DAB1: variants seen among roughly 807,000 people sequenced by gnomAD.
DAB1 encodes the protein DAB adaptor protein 1.
DAB1 carries 15 observed loss-of-function variants against 64.6 expected under a neutral mutation model. That is an observed-to-expected ratio of 0.23 (90% CI 0.16 to 0.36). The LOEUF (loss-of-function observed/expected upper bound fraction) is 0.36, where lower values mean the gene tolerates loss of function less well. Ranked by LOEUF, DAB1 falls within the 10% of genes least tolerant of loss-of-function variation. The probability of loss-of-function intolerance (pLI) is 1.00; values close to 1 mark genes in which losing one functional copy is unlikely to be tolerated. For missense variants in DAB1, 596 were observed against 706.7 expected, an observed-to-expected ratio of 0.84 and a Z score of 1.78; for synonymous variants, 235 against 251.9, an observed-to-expected ratio of 0.93 and a Z score of 0.64.
chr1:58,486,702 T>C (rs1475110249), intron 3 of DAB1, among the ~76,000 whole-genome samples: 1 of 152,084 alleles, frequency 6.6e-6, no homozygotes, highest in Non-Finnish European at 1.5e-5. Context: ...GGACGGACAA[T>C]GAGTACATGG....
chr1:58,355,639 T>C (rs931931690), intron 3 of DAB1, among the ~76,000 whole-genome samples: 8 of 151,996 alleles, frequency 5.3e-5, no homozygotes, highest in African/African-American at 1.9e-4. Flanking sequence ...ATGAGAGACT[T>C]GTAGGTGAGA....
Position 58,163,215 on chromosome 1 carries a change from C to T in DAB1, n.310-12627G>A, listed in dbSNP as rs557028457. Among the ~76,000 whole-genome samples, 13 of 152,248 alleles carry T rather than the reference C, an allele frequency of 8.5e-5. No individual in the cohort carries two copies. The East Asian group carries it at 1.7e-3, about 20-fold the overall frequency. On this transcript the variant is annotated intron_variant and non_coding_transcript_variant, in intron 4 of 20. Coordinates refer to the DAB1 transcript ENST00000485760. Reference sequence around the variant, plus strand: ...GTGGACAAAGATAAAAATTTCATCACGAAGTTAAGAACAAAAGGATAGCGT... The same window carrying T: ...GTGGACAAAGATAAAAATTTCATCATGAAGTTAAGAACAAAAGGATAGCGT...
chr1:58,522,871 A>G (rs11807197), intron 2 of DAB1, among the ~76,000 whole-genome samples: 20,205 of 152,240 alleles, frequency 0.13, 1,477 homozygotes, highest in African/African-American at 0.19. Context: ...CTCCATCCTT[A>G]TCTTCACACT....
chr1:57,711,377 AACACCTTATTCTT>A (rs1460537749), intron 6 of DAB1, among the ~76,000 whole-genome samples: 1 of 152,166 alleles, frequency 6.6e-6, no homozygotes, highest in Non-Finnish European at 1.5e-5. Context: ...TGGATTTCAT[AACACCTTATTCTT>A]AAGGTGTGGG....
chr1:58,361,863 CTTTTTTTTTT>C (rs34029239), intron 3 of DAB1, among the ~76,000 whole-genome samples: 3 of 84,024 alleles, frequency 3.6e-5, no homozygotes, highest in African/African-American at 1.4e-4. Context: ...AAAGATCCCC[CTTTTTTTTTT>C]TTTTTTTTTT....
intron 2 of DAB1, among the ~76,000 whole-genome samples, chr1:57,200,237 A>G (rs1257303632): frequency 1.3e-5 from 2 of 152,190 alleles, no homozygotes; most frequent in South Asian, 2.1e-4. Context: ...GTCTGGTTGC[A>G]TCTATTAGTG....
intron 5 of DAB1, among the ~76,000 whole-genome samples, chr1:57,938,835 G>C (rs991326202): frequency 6.6e-6 from 1 of 151,900 alleles, no homozygotes; most frequent in Non-Finnish European, 1.5e-5. Flanking sequence ...AGTAACTAAA[G>C]GGCTGCCATC....
chr1:57,462,930 G>A (rs1686833533), intron 7 of DAB1, among the ~76,000 whole-genome samples: 4 of 152,062 alleles, frequency 2.6e-5, no homozygotes, highest in Admixed American at 2.6e-4. Flanking sequence ...GCTCTTTGAA[G>A]GAGGTAAAAC....
At chr1:57,823,992 G>T (rs1252352379), downstream of DAB1, among the ~76,000 whole-genome samples, 3 of 152,172 alleles carry the variant, frequency 2.0e-5, no homozygotes, top group Non-Finnish European at 4.4e-5. Context: ...TTTTGAGAAG[G>T]ATAGTAAGTG....
In DAB1 at chr1:58,037,769, G is replaced by A. The variant is rs574532663; in HGVS notation, n.387+112742C>T. ...GGGCTTTAGTTGGTACCACACCCTT[G>A]CTTACCTTCCTTCCTTTCCTCACCC... On this transcript the variant is annotated intron_variant and non_coding_transcript_variant, in intron 5 of 20. Transcript: ENST00000485760. Among the ~76,000 whole-genome samples the A allele has an allele frequency of 9.9e-5, 15 of 152,220 alleles. No homozygotes were observed. The East Asian group carries it at 2.9e-3, about 29-fold the overall frequency.
chr1:57,250,251 AT>A (rs1669223254), intron 2 of DAB1, among the ~76,000 whole-genome samples: 1 of 152,168 alleles, frequency 6.6e-6, no homozygotes, highest in Non-Finnish European at 1.5e-5. Context: ...GAAAACACAA[AT>A]GTTAATTCCT....
chr1:58,490,811 T>C (rs1019895112), intron 3 of DAB1, among the ~76,000 whole-genome samples: 1 of 130,318 alleles, frequency 7.7e-6, no homozygotes, highest in African/African-American at 2.9e-5. Context: ...TTTTTTTTTT[T>C]TTTTTTTTTT....
At chr1:58,319,297 T>C (rs1049658850) in intron 4 of DAB1, among the ~76,000 whole-genome samples, 2 of 152,224 alleles carry the variant, frequency 1.3e-5, no homozygotes, top group African/African-American at 4.8e-5. Context: ...GCTATTGATA[T>C]TTTAGTCTCA....
At chr1:57,551,276 T>C (rs1644911432) in intron 7 of DAB1, among the ~76,000 whole-genome samples, 1 of 152,176 alleles carries the variant, frequency 6.6e-6, no homozygotes, top group African/African-American at 2.4e-5. Context: ...AACATCCCAT[T>C]CTTATCCCAT....
In DAB1 at chr1:57,200,793, C is replaced by T. The variant is rs183735743; in HGVS notation, c.68-55364G>A. ...CAAGTTTATAGAGTTAAAAACAACTCATGTTAATAAAGTACTTTCCAATTT... is the reference window on the plus strand; with the variant it reads ...CAAGTTTATAGAGTTAAAAACAACTTATGTTAATAAAGTACTTTCCAATTT... On this transcript the variant is annotated intron_variant, in intron 2 of 14. Transcript: ENST00000371236. Among the ~76,000 whole-genome samples, 24 of 152,296 alleles carry T rather than the reference C, an allele frequency of 1.6e-4. No homozygotes were observed. The East Asian group carries it at 4.4e-3, about 28-fold the overall frequency.
chr1:57,536,505 C>T (rs946274145), intron 7 of DAB1, among the ~76,000 whole-genome samples: 1 of 152,064 alleles, frequency 6.6e-6, no homozygotes, highest in Non-Finnish European at 1.5e-5. Context: ...TTAATTATTG[C>T]TCTGGTTCCC....
intron 1 of DAB1, among the ~76,000 whole-genome samples, chr1:58,533,116 T>C (rs1209558798): frequency 3.3e-5 from 5 of 152,246 alleles, no homozygotes; most frequent in African/African-American, 1.2e-4. Flanking sequence ...TATTTTTAAA[T>C]GAATAACAAT....
At chr1:57,560,650 C>T (rs1645039652) in intron 7 of DAB1, among the ~76,000 whole-genome samples, 1 of 152,160 alleles carries the variant, frequency 6.6e-6, no homozygotes, top group Non-Finnish European at 1.5e-5. Flanking sequence ...GGGTCCAGAA[C>T]AGTAGAAGGT....
chr1:58,370,591 A>C (rs1644257280), intron 3 of DAB1, among the ~76,000 whole-genome samples: 1 of 152,154 alleles, frequency 6.6e-6, no homozygotes, highest in South Asian at 2.1e-4. Context: ...TTCAGATATT[A>C]TTTGTATAAA....
Sources: allele counts gnomAD v4.1 joint callset (sites outside exome capture counted in the v4.1 genomes callset), GRCh38; gene constraint gnomAD v4.1.1; transcripts MANE v1.5; gene names NCBI Gene and HGNC (gene_info 2026-07-23, HGNC 2026-07-21).